The following DNAH14 variants were observed in gnomAD, a reference collection of about 807,000 sequenced individuals.
DNAH14 encodes axonemal beta dynein heavy chain 14.
DNAH14 carries 478 observed loss-of-function variants against 520.9 expected under a neutral mutation model. That is an observed-to-expected ratio of 0.92 (90% CI 0.85 to 0.99). The LOEUF is 0.99. Among genes scored for constraint, DNAH14 ranks in the 50% least tolerant of loss-of-function variants. DNAH14 has a pLI of 0.00. For missense variants in DNAH14, 4,831 were observed against 5,234.5 expected (o/e 0.92, Z 2.38); for synonymous variants, 1,581 against 1,757.2 (o/e 0.90, Z 2.51).
chr1:225,117,968 T>C lies in DNAH14; in HGVS notation c.4060T>C (p.Ser1354Pro). The C allele has an allele frequency of 6.4e-7, 1 of 1,551,222 alleles. No individual in the cohort carries two copies. The change falls in exon 25 of 86, where the codon TCT (serine) becomes CCT (proline). Residue 1354 changes from serine (S) to proline (P), a missense_variant. Coordinates refer to ENST00000682510, the MANE Select transcript of DNAH14 (RefSeq NM_001367479.1). Reference protein sequence around the residue: ...IGPPAVKMLISAEGEGLVLPK... With the variant: ...IGPPAVKMLIPAEGEGLVLPK... Reference sequence around the variant, plus strand: ...CCCTCCTGCTGTAAAAATGCTAATATCTGCTGAAGGGGAAGGTCTCGTGCT... The same window carrying C: ...CCCTCCTGCTGTAAAAATGCTAATACCTGCTGAAGGGGAAGGTCTCGTGCT...
chr1:225,177,882 G>T (rs890817966), intron 36 of DNAH14, among the ~76,000 whole-genome samples: 8 of 152,288 alleles, frequency 5.3e-5, no homozygotes, highest in African/African-American at 1.9e-4. Flanking sequence ...ATCTAGTGGA[G>T]CTGTTAGAAG....
At chr1:225,045,309 T>C (rs2067855926) in intron 15 of DNAH14, among the ~76,000 whole-genome samples, 3 of 152,000 alleles carry the variant, frequency 2.0e-5, no homozygotes, top group Admixed American at 2.0e-4. Flanking sequence ...TTGAGACTTC[T>C]ATAAGTTGGA....
rs1422766860 is a variant in DNAH14, at chr1:225,374,257, TATATATA to T, written c.12319-430_12319-424del. 7.4e-3 allele frequency among the ~76,000 whole-genome samples: 765 copies of T among 102,716 alleles called. 23 individuals are homozygous for T. Among genetic ancestry groups the T allele is most frequent in the African/African-American group, 0.025 (725 of 28,876 alleles). The allele number at this position is 102,716 out of a possible 152,430, so 67.4% of individuals were successfully genotyped here. ...TAATATATATATTTGTCTATATATA[TATATATA>T]TATATATTTTTTTTTGAGATAGAGT... On this transcript the variant is annotated intron_variant, in intron 77 of 85. Coordinates refer to ENST00000682510, the MANE Select transcript of DNAH14 (RefSeq NM_001367479.1).
At chr1:225,374,145 C>CTCTATATATATATATATATATA (rs1553370074) in intron 77 of DNAH14, among the ~76,000 whole-genome samples, 1 of 33,064 alleles carries the variant, frequency 3.0e-5, no homozygotes, top group Non-Finnish European at 5.0e-5. Context: ...TTGTGTCTTA[C>CTCTATATATATATATATATATA]TATATATATA....
intron 1 of DNAH14, among the ~76,000 whole-genome samples, chr1:224,930,616 G>A (rs1379561307): frequency 6.7e-6 from 1 of 148,986 alleles, no homozygotes; most frequent in Non-Finnish European, 1.5e-5. Context: ...TTTTTTTTTT[G>A]AGACGGAGCC....
chr1:225,203,762 A>G (rs139524824), intron 38 of DNAH14, among the ~76,000 whole-genome samples: 37 of 152,342 alleles, frequency 2.4e-4, no homozygotes, highest in Admixed American at 9.1e-4. Context: ...AGGTGTTACA[A>G]TCTGTAATTT....
intron 26 of DNAH14, among the ~76,000 whole-genome samples, chr1:225,121,036 T>C (rs1029690550): frequency 2.0e-5 from 3 of 152,230 alleles, no homozygotes; most frequent in Admixed American, 1.3e-4. Flanking sequence ...CCATAATGCA[T>C]AGGTTTCTGG....
At chr1:225,111,321 TG>T (rs2076461452) in intron 23 of DNAH14, among the ~76,000 whole-genome samples, 1 of 151,986 alleles carries the variant, frequency 6.6e-6, no homozygotes, top group Admixed American at 6.6e-5. Flanking sequence ...TATATTTATA[TG>T]CACCTTGCTG....
chr1:225,153,193 G>T (rs899129060), intron 33 of DNAH14, among the ~76,000 whole-genome samples: 1 of 152,098 alleles, frequency 6.6e-6, no homozygotes, highest in Non-Finnish European at 1.5e-5. Context: ...CATCTAGAGC[G>T]ATCATTCTCA....
intron 17 of DNAH14, among the ~76,000 whole-genome samples, chr1:225,061,090 T>C (rs2070007513): frequency 6.6e-6 from 1 of 152,228 alleles, no homozygotes; most frequent in South Asian, 2.1e-4. Flanking sequence ...CCTTTTGTTT[T>C]GGCTATGCCC....
chr1:225,137,007 T>C (rs2079004724), intron 27 of DNAH14, among the ~76,000 whole-genome samples: 1 of 152,214 alleles, frequency 6.6e-6, no homozygotes, highest in South Asian at 2.1e-4. Context: ...TTAGGTCAGT[T>C]ATGTTCCTCT....
chr1:225,002,996 A>G, intron 9 of DNAH14, 69 bp downstream of exon 9: 1 of 1,273,472 alleles, frequency 7.9e-7, no homozygotes. Flanking sequence ...TAGCATTTTG[A>G]ATTAAAAAAT....
intron 41 of DNAH14, among the ~76,000 whole-genome samples, chr1:225,228,094 G>A (rs548285593): frequency 7.8e-4 from 119 of 152,302 alleles, no homozygotes; most frequent in Non-Finnish European, 1.5e-3. Flanking sequence ...CTTAGAATGT[G>A]CCCTGTCCTA....
intron 52 of DNAH14, among the ~76,000 whole-genome samples, chr1:225,274,320 T>C (rs2093408348): frequency 6.7e-6 from 1 of 149,008 alleles, no homozygotes; most frequent in Non-Finnish European, 1.5e-5. Flanking sequence ...TTCTCCTGCC[T>C]CAGCCTCCCG....
At chr1:225,096,604 TA>T (rs1346252837) in intron 21 of DNAH14, among the ~76,000 whole-genome samples, 13 of 152,162 alleles carry the variant, frequency 8.5e-5, no homozygotes, top group Admixed American at 8.5e-4. Context: ...AGAAGACGTA[TA>T]AGTACTGACA....
At chr1:225,175,700 T>C (rs1365616368) in intron 36 of DNAH14, among the ~76,000 whole-genome samples, 2 of 136,706 alleles carry the variant, frequency 1.5e-5, no homozygotes, top group Non-Finnish European at 3.1e-5. Context: ...TTATTTTGGA[T>C]CTTTTTTTTT....
intron 8 of DNAH14, among the ~76,000 whole-genome samples, chr1:224,981,594 T>A (rs1457058812): frequency 6.6e-6 from 1 of 152,184 alleles, no homozygotes; most frequent in Non-Finnish European, 1.5e-5. Flanking sequence ...ATAGTAGCCT[T>A]GAATGATCTT....
intron 23 of DNAH14, among the ~76,000 whole-genome samples, chr1:225,106,921 G>A (rs1289558543): frequency 1.3e-5 from 2 of 152,178 alleles, no homozygotes; most frequent in Non-Finnish European, 2.9e-5. Context: ...CGTTGCTGGT[G>A]AGGAGCTGCG....
chr1:225,217,606 C>T (rs777140683), intron 41 of DNAH14, among the ~76,000 whole-genome samples: 2 of 152,282 alleles, frequency 1.3e-5, no homozygotes, highest in African/African-American at 4.8e-5. Context: ...CAATGGTGGA[C>T]GCCCCTCCCC....
Sources: allele counts gnomAD v4.1 joint callset (sites outside exome capture counted in the v4.1 genomes callset), GRCh38; gene constraint gnomAD v4.1.1; transcripts MANE v1.5; gene names NCBI Gene and HGNC (gene_info 2026-07-23, HGNC 2026-07-21).